Variants in RPN1 observed in about 807,000 individuals in gnomAD.
RPN1 encodes the protein dolichyl-diphosphooligosaccharide--protein glycosyltransferase subunit 1.
In RPN1, 12 loss-of-function variants were observed where a neutral mutation model predicts 55.5. That is an observed-to-expected ratio of 0.22 (90% confidence interval 0.14 to 0.35). The LOEUF (loss-of-function observed/expected upper bound fraction) is 0.35, where lower values mean the gene tolerates loss of function less well. Among genes scored for constraint, RPN1 ranks in the 10% least tolerant of loss-of-function variants. The pLI is 1.00. For missense variants in RPN1, 679 were observed against 761.3 expected (o/e 0.89, Z 1.27); for synonymous variants, 317 against 305.9 (o/e 1.04, Z -0.38).
At chr3:128,638,200 A>G (rs2107718965) in intron 2 of RPN1, 95 bp from the exon 3 acceptor site, 1 of 867,720 alleles carries the variant, frequency 1.2e-6, no homozygotes, top group Non-Finnish European at 1.8e-6. Flanking sequence ...TGAACCAAAG[A>G]CAAAAGCAAT....
At chr3:128,635,642 T>TATATATATATATAG (rs2069674061) in intron 3 of RPN1, among the ~76,000 whole-genome samples, 2 of 8,064 alleles carry the variant, frequency 2.5e-4, no homozygotes, top group East Asian at 8.5e-3. Flanking sequence ...TATATATAGA[T>TATATATATATATAG]ATATATATAT....
chr3:128,625,706 T>C, intron 7 of RPN1, 53 bp from the exon 8 acceptor site: 1 of 1,611,490 alleles, frequency 6.2e-7, no homozygotes, highest in South Asian at 1.1e-5. Flanking sequence ...CATGGGAGCC[T>C]AGACTCACCC....
At chr3:128,631,923 A>G in intron 4 of RPN1, 25 bp downstream of exon 4, 6 of 1,611,968 alleles carry the variant, frequency 3.7e-6, no homozygotes, top group Non-Finnish European at 5.1e-6. Context: ...CATTTCTCAC[A>G]ATGTCCAAGT....
intron 3 of RPN1, among the ~76,000 whole-genome samples, chr3:128,633,669 A>T (rs929831820): frequency 6.6e-6 from 1 of 152,180 alleles, no homozygotes; most frequent in Non-Finnish European, 1.5e-5. Context: ...AAACTTGGCA[A>T]ATAAGCTCTA....
chr3:128,624,214 G>A (rs1181794936), intron 8 of RPN1, among the ~76,000 whole-genome samples: 2 of 152,162 alleles, frequency 1.3e-5, no homozygotes, highest in Non-Finnish European at 2.9e-5. Context: ...ACCAGGCACG[G>A]TGTCTCATGC....
At chr3:128,621,916 T>C (rs966875576) in intron 9 of RPN1, among the ~76,000 whole-genome samples, 4 of 152,332 alleles carry the variant, frequency 2.6e-5, no homozygotes, top group African/African-American at 9.6e-5. Context: ...CTACTCTCAA[T>C]ACTGGCCACA....
intron 9 of RPN1, among the ~76,000 whole-genome samples, chr3:128,621,170 G>A (rs1039472205): frequency 3.9e-5 from 6 of 152,226 alleles, no homozygotes; most frequent in African/African-American, 1.4e-4. Flanking sequence ...GTCCACAGAT[G>A]CTGACATATA....
intron 1 of RPN1, among the ~76,000 whole-genome samples, chr3:128,648,560 CAAAAAAA>C (rs538184863): frequency 1.4e-5 from 2 of 140,238 alleles, no homozygotes; most frequent in Non-Finnish European, 3.1e-5. Context: ...AACTCCGTCT[CAAAAAAA>C]AAAAGAAAAA....
chr3:128,635,652 T>TATATATATAGATATCTATAG (rs1559755862), intron 3 of RPN1, among the ~76,000 whole-genome samples: 5 of 87,258 alleles, frequency 5.7e-5, no homozygotes, highest in African/African-American at 2.2e-4. Context: ...TATATATATA[T>TATATATATAGATATCTATAG]ATATATATAT....
chr3:128,627,434 A>C (rs934394247), intron 5 of RPN1, among the ~76,000 whole-genome samples: 1 of 152,152 alleles, frequency 6.6e-6, no homozygotes, highest in Non-Finnish European at 1.5e-5. Flanking sequence ...AGATCTGGGA[A>C]GGTACAAAAG....
chr3:128,637,648 A>G (rs914154379), intron 3 of RPN1, 151 bp downstream of exon 3: 1 of 748,244 alleles, frequency 1.3e-6, no homozygotes, highest in Non-Finnish European at 2.2e-6. Context: ...CCATGGAGTC[A>G]TTTCACTGCA....
chr3:128,650,448 G>A (rs1416033645), intron 1 of RPN1, 92 bp downstream of exon 1: 2 of 1,309,046 alleles, frequency 1.5e-6, no homozygotes, highest in Non-Finnish European at 2.1e-6. Flanking sequence ...CATTTCCTGA[G>A]GCCTAGAGGG....
chr3:128,632,886 T>C (rs1044585255), intron 3 of RPN1, among the ~76,000 whole-genome samples: 1 of 152,284 alleles, frequency 6.6e-6, no homozygotes, highest in East Asian at 1.9e-4. Flanking sequence ...TGAGCCACCG[T>C]GCCCAGCAAG....
At chr3:128,631,200 G>A (rs1377851118) in intron 4 of RPN1, among the ~76,000 whole-genome samples, 2 of 150,280 alleles carry the variant, frequency 1.3e-5, no homozygotes, top group East Asian at 2.0e-4. Context: ...GCGGCCGGGC[G>A]CGGTGGCTCA....
rs765113281 is a variant in RPN1 at position 128,625,492 on chromosome 3, C to T, written c.1395+42G>A. The T allele has an allele frequency of 3.1e-6, 5 of 1,613,664 alleles. No individual in the cohort carries two copies. In the South Asian group the frequency reaches 5.5e-5, roughly 18 times the overall value. On this transcript the variant is annotated intron_variant, in intron 8 of 9. Coordinates refer to ENST00000296255, the MANE Select transcript of RPN1 (RefSeq NM_002950.4). ...AGTGCTCAAGCTGGTGAAATATTAC[C>T]AAGGACACAAATGACAAGCAGGAAG...
intron 2 of RPN1, 107 bp downstream of exon 2, chr3:128,644,811 TA>T (rs2069754745): frequency 1.4e-6 from 1 of 706,114 alleles, no homozygotes; most frequent in African/African-American, 1.8e-5. Flanking sequence ...AAAAACCCTG[TA>T]ATAAAGCAGG....
rs2069595940 is a variant in RPN1 at position 128,625,879 on chromosome 3, T to A, written c.1270A>T (p.Ile424Phe). ...KNLVEQHIQD[I>F]VVHYTFNKVL... ...CAAACAGTGGAGCCACTCACCACAA[T>A]GTCCTGAATGTGCTGTTCTACCAGA... The change falls in exon 7 of 10, where the codon ATT (isoleucine) becomes TTT (phenylalanine). Residue 424 changes from isoleucine to phenylalanine, a missense_variant. Around this residue, in one of 3 missense-constraint regions of RPN1, gnomAD observed 306 missense variants for 360.0 expected, o/e 0.85. Coordinates refer to ENST00000296255, the MANE Select transcript of RPN1 (RefSeq NM_002950.4). 1 of 1,610,184 alleles carries A rather than the reference T, an allele frequency of 6.2e-7. No individual in the cohort carries two copies. The highest frequency in any genetic ancestry group is 8.5e-7 in the Non-Finnish European group (1 of 1,178,270).
At chr3:128,621,764 G>A (rs1362516408) in intron 9 of RPN1, among the ~76,000 whole-genome samples, 1 of 152,244 alleles carries the variant, frequency 6.6e-6, no homozygotes, top group South Asian at 2.1e-4. Context: ...CTGAGGCACA[G>A]AAGTTAGGTG....
In RPN1 at chr3:128,650,658, T is replaced by G; in HGVS notation, c.143A>C (p.Lys48Thr). Residue 48 changes from lysine to threonine, a missense_variant, in exon 1 of 10, where the codon AAG becomes ACG. Coordinates refer to ENST00000296255, the MANE Select transcript of RPN1 (RefSeq NM_002950.4). The stretch of plus-strand genomic sequence containing the variant: ...CGCCAGGACCACCTCGGCCGTCACC[T>G]TAGCCAGGTGGCTGCTTAGGTCCAC... ...RTVDLSSHLA[K>T]VTAEVVLAHL... The G allele has an allele frequency of 1.9e-6, 3 of 1,565,242 alleles. No homozygotes were observed. The highest frequency in any genetic ancestry group is 2.6e-6 in the Non-Finnish European group (3 of 1,154,814).
Sources: gnomAD v4.1 joint callset for allele counts (sites outside exome capture counted in the v4.1 genomes callset) on GRCh38, gnomAD v4.1.1 for gene constraint, gnomAD v4.1.1 regional missense constraint, MANE v1.5 for transcripts, NCBI Gene and HGNC (gene_info 2026-07-23, HGNC 2026-07-21) for gene names.